The following SMIM36 variants were observed in gnomAD, a reference collection of about 807,000 sequenced individuals.
SMIM36 encodes the protein small integral membrane protein 36.
At chr17:55,518,067 C>T in the SMIM36 span, among the ~76,000 whole-genome samples, 2 of 152,168 alleles carry the variant, frequency 1.3e-5, no homozygotes, top group Admixed American at 1.3e-4. Context: ...GCTGCTATAA[C>T]AGAATACTTG....
intron 1 of SMIM36, among the ~76,000 whole-genome samples, chr17:55,492,247 T>TTC (rs1298769823): frequency 0.093 from 12,564 of 135,158 alleles, 778 homozygotes; most frequent in African/African-American, 0.2. Context: ...TCTTTCTTTT[T>TTC]TTTTTTTTTT....
the SMIM36 span, among the ~76,000 whole-genome samples, chr17:55,516,861 G>A: frequency 6.6e-6 from 1 of 152,096 alleles, no homozygotes; most frequent in Non-Finnish European, 1.5e-5. Flanking sequence ...CAACTGGCCA[G>A]CCTTCCTATT....
chr17:55,517,553 ACT>A, the SMIM36 span, among the ~76,000 whole-genome samples: 1 of 152,194 alleles, frequency 6.6e-6, no homozygotes, highest in Non-Finnish European at 1.5e-5. Flanking sequence ...ACAGAGTGAG[ACT>A]CTGTTACAAC....
At chr17:55,529,490 T>G in the SMIM36 span, among the ~76,000 whole-genome samples, 2 of 151,804 alleles carry the variant, frequency 1.3e-5, no homozygotes, top group African/African-American at 4.8e-5. Flanking sequence ...GATGTGAGCC[T>G]GGCACGGTGG....
chr17:55,495,936 A>G (rs1203681943), intron 1 of SMIM36, among the ~76,000 whole-genome samples: 2 of 152,224 alleles, frequency 1.3e-5, no homozygotes, highest in Admixed American at 6.5e-5. Flanking sequence ...GCTGCCATTT[A>G]AGAAATCAAT....
intron 4 of SMIM36, among the ~76,000 whole-genome samples, chr17:55,463,879 G>T (rs1909188467): frequency 6.6e-6 from 1 of 152,084 alleles, no homozygotes; most frequent in African/African-American, 2.4e-5. Flanking sequence ...ACTTTGGGAG[G>T]CTAAGACAGG....
rs944081177 is a variant in SMIM36 at position 55,458,646 on chromosome 17, C to G, written c.*532-8348G>C. ...AGGAGCACGTCGGCTGAAGAAGACA[C>G]AAGCAGCTGGTCGTTGAGAAGAGCT... is the stretch of plus-strand genomic sequence containing the variant. On this transcript the variant is annotated intron_variant, in intron 4 of 4. Transcript: ENST00000636752. Among the ~76,000 whole-genome samples the G allele has an allele frequency of 1.1e-4, 16 of 149,826 alleles. 1 individual carries two copies. The highest frequency in any genetic ancestry group is 6.7e-5 in the Admixed American group (1 of 14,850).
At chr17:55,456,127 A>AG (rs971442821) in intron 4 of SMIM36, among the ~76,000 whole-genome samples, 3 of 149,768 alleles carry the variant, frequency 2.0e-5, no homozygotes, top group African/African-American at 7.4e-5. Context: ...AAAAAAAAAA[A>AG]AAAAAAAAAA....
chr17:55,525,620 T>C, the SMIM36 span, among the ~76,000 whole-genome samples: 6 of 152,330 alleles, frequency 3.9e-5, no homozygotes, highest in African/African-American at 2.4e-5. Context: ...AAATATCTAC[T>C]ATATATGATA....
chr17:55,520,637 G>A, the SMIM36 span, among the ~76,000 whole-genome samples: 2 of 152,170 alleles, frequency 1.3e-5, no homozygotes, highest in Admixed American at 6.5e-5. Context: ...CAGGTAGGGC[G>A]GAGTGGGACG....
At chr17:55,531,991 C>T in the SMIM36 span, among the ~76,000 whole-genome samples, 1 of 152,128 alleles carries the variant, frequency 6.6e-6, no homozygotes, top group Non-Finnish European at 1.5e-5. Flanking sequence ...ACCCCAAGTA[C>T]CCTCACTTTC....
At chr17:55,512,253 G>A (rs1243692005), upstream of SMIM36, among the ~76,000 whole-genome samples, 1 of 152,178 alleles carries the variant, frequency 6.6e-6, no homozygotes, top group Non-Finnish European at 1.5e-5. Flanking sequence ...AGAGAAAGGA[G>A]CCTGGAAAAT....
the SMIM36 span, among the ~76,000 whole-genome samples, chr17:55,518,686 G>A: frequency 6.6e-6 from 1 of 152,186 alleles, no homozygotes; most frequent in Non-Finnish European, 1.5e-5. Flanking sequence ...AAAGCAGGGT[G>A]TCAGTGAAAC....
chr17:55,521,884 C>T, the SMIM36 span, among the ~76,000 whole-genome samples: 1 of 149,944 alleles, frequency 6.7e-6, no homozygotes, highest in Non-Finnish European at 1.5e-5. Context: ...CCAACCCACT[C>T]TTACCTCCCA....
intron 1 of SMIM36, among the ~76,000 whole-genome samples, chr17:55,490,974 G>T (rs1398978272): frequency 1.3e-5 from 2 of 151,614 alleles, no homozygotes; most frequent in East Asian, 1.9e-4. Context: ...ATACAATCAG[G>T]CTGGGTGCTG....
intron 4 of SMIM36, among the ~76,000 whole-genome samples, chr17:55,460,448 A>G (rs1483672548): frequency 3.5e-5 from 3 of 86,234 alleles, no homozygotes; most frequent in African/African-American, 9.5e-5. Flanking sequence ...AACAAAAAAC[A>G]AAACAAAAAA....
At chr17:55,464,759 T>C (rs756814709) in intron 4 of SMIM36, among the ~76,000 whole-genome samples, 4 of 152,230 alleles carry the variant, frequency 2.6e-5, no homozygotes, top group African/African-American at 7.2e-5. Flanking sequence ...CACCTGACAG[T>C]TACACAAATG....
At chr17:55,511,950 C>A (rs541243030), upstream of SMIM36, among the ~76,000 whole-genome samples, 1 of 152,302 alleles carries the variant, frequency 6.6e-6, no homozygotes, top group East Asian at 1.9e-4. Context: ...GTTTCAGACA[C>A]TACACTAAGC....
intron 4 of SMIM36, among the ~76,000 whole-genome samples, chr17:55,454,804 T>A (rs908972626): frequency 6.6e-6 from 1 of 152,140 alleles, no homozygotes; most frequent in African/African-American, 2.4e-5. Context: ...CAAAACAAAT[T>A]TAAAATCTTC....
Sources: gnomAD v4.1 joint callset for allele counts (sites outside exome capture counted in the v4.1 genomes callset) on GRCh38, gnomAD v4.1.1 for gene constraint, MANE v1.5 for transcripts, NCBI Gene and HGNC (gene_info 2026-07-23, HGNC 2026-07-21) for gene names.